NAPRT: variants seen among roughly 807,000 people sequenced by gnomAD.
The protein encoded by NAPRT is FHA-HIT-interacting protein.
In NAPRT, 66 loss-of-function variants were observed where a neutral mutation model predicts 60.7. The observed-to-expected ratio is 1.09, with a 90% CI of 0.89 to 1.33. NAPRT has a LOEUF of 1.33. Ranked by LOEUF, NAPRT falls within the 40% of genes most tolerant of loss-of-function variation. The probability of loss-of-function intolerance (pLI) is 0.00; values close to 1 mark genes in which losing one functional copy is unlikely to be tolerated. For missense variants in NAPRT, 818 were observed against 731.5 expected, an observed-to-expected ratio of 1.12 and a Z score of -1.36; for synonymous variants, 405 against 335.7, an observed-to-expected ratio of 1.21 and a Z score of -2.26.
In NAPRT at chr8:143,577,254, G is replaced by A. The variant is rs775815318; in HGVS notation, c.568+15C>T. 19 of 1,607,184 alleles carry A rather than the reference G, an allele frequency of 1.2e-5. No individual in the cohort carries two copies. The highest frequency in any genetic ancestry group is 2.2e-5 in the East Asian group (1 of 44,616). ...TCCTTCCCGGCCCTTGCCTTGCCCC[G>A]CACCAGACACTCACCGCCCAGGTAG... On this transcript the variant is annotated intron_variant, in intron 4 of 12. Transcript: ENST00000449291.
At chr8:143,576,332 C>T (rs1199496544) in intron 7 of NAPRT, 100 bp downstream of exon 7, 4 of 1,486,470 alleles carry the variant, frequency 2.7e-6, no homozygotes, top group Non-Finnish European at 2.7e-6. Flanking sequence ...CCTGCAGTAT[C>T]ACCGCTGAAA....
chr8:143,578,284 G>C lies in NAPRT; in HGVS notation c.35C>G (p.Ala12Gly). The stretch of plus-strand genomic sequence containing the variant: ...GAGGTCAGTGAGCAGCGGCCGCGCC[G>C]CCGCGCGCGCCTCGGGGTCCTGCTC... The part of the protein sequence containing the change: ...AAEQDPEARA[A>G]ARPLLTDLYQ... Residue 12 changes from alanine (A) to glycine (G), a missense_variant, in exon 1 of 13, where the codon GCG becomes GGG. Physicochemically the swap from Ala to Gly is moderately conservative, Grantham distance 60. Transcript: ENST00000449291. 1 of 1,408,620 alleles carries C rather than the reference G, an allele frequency of 7.1e-7. No individual in the cohort carries two copies. The highest frequency in any genetic ancestry group is 9.2e-7 in the Non-Finnish European group (1 of 1,088,628). 87.3% of individuals were successfully genotyped at this position (1,408,620 alleles called of 1,614,324 possible).
chr8:143,576,407 C>A (rs1197765159), intron 7 of NAPRT, 25 bp downstream of exon 7: 2 of 1,585,810 alleles, frequency 1.3e-6, no homozygotes, highest in African/African-American at 1.3e-5. Flanking sequence ...TCCCACCAGG[C>A]ACACCTCCTC....
At chr8:143,574,566 A>G, downstream of NAPRT, 1 of 590,852 alleles carries the variant, frequency 1.7e-6, no homozygotes. Context: ...CTAGTGTGGG[A>G]TCTGACTCCC....
chr8:143,574,919 A>C lies in NAPRT; in HGVS notation c.1555-19T>G, dbSNP rs1305432470. On this transcript the variant is annotated intron_variant, in intron 12 of 12. Coordinates refer to ENST00000449291, the MANE Select transcript of NAPRT (RefSeq NM_145201.6). ...GCACCACCTGCAGGGAGCAGAGGAC[A>C]GGAGCGGTGGGCAGGGTGAGGGCGG... 6.4e-7 allele frequency: 1 copy of C among 1,550,578 alleles called. No homozygotes were observed. Among genetic ancestry groups the C allele is most frequent in the Admixed American group, 2.0e-5 (1 of 51,000 alleles).
At position 143,575,190 on chromosome 8, in the gene NAPRT, C is replaced by T. The variant is rs1396594552; in HGVS notation, c.1446+1G>A. 4 of 1,606,340 alleles carry T rather than the reference C, an allele frequency of 2.5e-6. No homozygotes were observed. Among genetic ancestry groups the T allele is most frequent in the Non-Finnish European group, 3.4e-6 (4 of 1,176,944 alleles). ...CAGGATGAGGGCGGTGGGGCAGCCA[C>T]CTGTCCCTGCTGGAGGCAGAGCCGC... On this transcript the variant is annotated splice_donor_variant, in intron 11 of 12. Coordinates refer to ENST00000449291, the MANE Select transcript of NAPRT (RefSeq NM_145201.6). LOFTEE classifies it high-confidence loss of function.
chr8:143,577,225 C>A (rs758344025), intron 4 of NAPRT, 44 bp downstream of exon 4: 5 of 1,604,400 alleles, frequency 3.1e-6, no homozygotes, highest in African/African-American at 1.3e-5. Flanking sequence ...CAAGATGGGG[C>A]TCCTCCTTCC....
At chr8:143,577,975 G>T in intron 1 of NAPRT, 32 bp from the exon 2 acceptor site, 3 of 1,594,832 alleles carry the variant, frequency 1.9e-6, no homozygotes, top group Non-Finnish European at 2.6e-6. Flanking sequence ...TGAGACCAGC[G>T]CGGGGACAGA....
chr8:143,578,313 C>T lies in NAPRT; in HGVS notation c.6G>A (p.Ala2=), dbSNP rs979944565. The change falls in exon 1 of 13, where the codon GCG becomes GCA. Residue 2 remains alanine, a synonymous_variant. Transcript: ENST00000449291. ...CGCGCGCCTCGGGGTCCTGCTCCGCCGCCATCCTGCTCCCGACGTCCGGAC... is the reference window on the plus strand; with the variant it reads ...CGCGCGCCTCGGGGTCCTGCTCCGCTGCCATCCTGCTCCCGACGTCCGGAC... M[A]AEQDPEARAA... is the part of the protein sequence containing the mutation. The T allele has an allele frequency of 4.4e-6, 6 of 1,367,964 alleles. No individual in the cohort carries two copies. The highest frequency in any genetic ancestry group is 3.0e-5 in the East Asian group (1 of 32,816). 84.7% of individuals were successfully genotyped at this position (1,367,964 alleles called of 1,614,324 possible).
At position 143,576,859 on chromosome 8, in the gene NAPRT, G is replaced by A; in HGVS notation, c.685-17C>T. On this transcript the variant is annotated splice_polypyrimidine_tract_variant and intron_variant, in intron 5 of 12. Transcript: ENST00000449291. ...CGCCAACATCTGTGGAACAGAGTCG[G>A]TGAAGAATGGGGGCCAGGAATGCAG... 6.3e-7 allele frequency: 1 copy of A among 1,583,338 alleles called. No individual in the cohort carries two copies. The highest frequency in any genetic ancestry group is 1.1e-5 in the South Asian group (1 of 88,904).
chr8:143,574,903 GC>G lies in NAPRT; in HGVS notation c.1555-4del, dbSNP rs1413230959. On this transcript the variant is annotated splice_region_variant and splice_polypyrimidine_tract_variant and intron_variant, in intron 12 of 12. Transcript: ENST00000449291. ...TGCAGCCTCTCGGACAGCACCACCT[GC>G]AGGGAGCAGAGGACAGGAGCGGTGG... The G allele has an allele frequency of 1.6e-5, 25 of 1,550,512 alleles. No individual in the cohort carries two copies. In the African/African-American group the frequency reaches 2.9e-4, roughly 18 times the overall value.
Position 143,578,215 on chromosome 8 carries a change from GC to G in NAPRT, c.103del (p.Ala35ArgfsTer70), listed in dbSNP as rs1392562761. The G allele has an allele frequency of 4.0e-6, 6 of 1,504,506 alleles. No homozygotes were observed. The highest frequency in any genetic ancestry group is 5.3e-6 in the Non-Finnish European group (6 of 1,131,770). The allele number at this position is 1,504,506 out of a possible 1,614,324, so 93.2% of individuals were successfully genotyped here. On this transcript the variant is annotated frameshift_variant, in exon 1 of 13. Coordinates refer to ENST00000449291, the MANE Select transcript of NAPRT (RefSeq NM_145201.6). LOFTEE classifies it high-confidence loss of function. The stretch of plus-strand genomic sequence containing the variant: ...GAGCTCGAACTCGGCGGCGTCCCGC[GC>G]CCGGCCCGCGCGCCAATAGCCCAAC... The part of the protein sequence containing the change: ...MALGYWRAGR[A>X]RDAAEFELFF...
rs372147502 is a variant in NAPRT at position 143,575,152 on chromosome 8, C to T, written c.1446+39G>A. 4.7e-5 allele frequency: 74 copies of T among 1,582,918 alleles called. 1 individual carries two copies. The South Asian group carries it at 6.5e-4, about 14-fold the overall frequency. Reference sequence around the variant, plus strand: ...GGCTAGCTCCCAGTCAGGGCTCTACCGGGGCTGGGGGTCAGGATGAGGGCG... The same window carrying T: ...GGCTAGCTCCCAGTCAGGGCTCTACTGGGGCTGGGGGTCAGGATGAGGGCG... On this transcript the variant is annotated intron_variant, in intron 11 of 12. Coordinates refer to ENST00000449291, the MANE Select transcript of NAPRT (RefSeq NM_145201.6).
chr8:143,574,834 A>C lies in NAPRT; in HGVS notation c.*4T>G. The C allele has an allele frequency of 2.6e-6, 4 of 1,550,686 alleles. No individual in the cohort carries two copies. Among genetic ancestry groups the C allele is most frequent in the Non-Finnish European group, 3.5e-6 (4 of 1,146,984 alleles). On this transcript the variant is annotated 3_prime_UTR_variant, in exon 13 of 13. Coordinates refer to ENST00000449291, the MANE Select transcript of NAPRT (RefSeq NM_145201.6). ...GTTGTTTCCAGTCAGCCCCGCTCCG[A>C]GTCTCAGGGGGACTGCCCCGCACAC...
Position 143,575,534 on chromosome 8 carries a change from A to G in NAPRT, c.1189-9T>C. 6.3e-7 allele frequency: 1 copy of G among 1,598,670 alleles called. No individual in the cohort carries two copies. Among genetic ancestry groups the G allele is most frequent in the South Asian group, 1.1e-5 (1 of 90,748 alleles). On this transcript the variant is annotated splice_polypyrimidine_tract_variant and intron_variant, in intron 9 of 12. Coordinates refer to ENST00000449291, the MANE Select transcript of NAPRT (RefSeq NM_145201.6). Reference sequence around the variant, plus strand: ...CCCCCCACGGCCACCAGCTGCAGGAAGAGGGCGTTGAGCTGGCTGGTCCTT... The same window carrying G: ...CCCCCCACGGCCACCAGCTGCAGGAGGAGGGCGTTGAGCTGGCTGGTCCTT...
At position 143,574,825 on chromosome 8, in the gene NAPRT, C is replaced by A; in HGVS notation, c.*13G>T. ...GTGATTCGTGTTGTTTCCAGTCAGC[C>A]CCGCTCCGAGTCTCAGGGGGACTGC... On this transcript the variant is annotated 3_prime_UTR_variant, in exon 13 of 13. Coordinates refer to ENST00000449291, the MANE Select transcript of NAPRT (RefSeq NM_145201.6). The A allele has an allele frequency of 6.4e-7, 1 of 1,550,722 alleles. No homozygotes were observed.
intron 3 of NAPRT, 44 bp from the exon 4 acceptor site, chr8:143,577,443 T>C: frequency 1.3e-6 from 2 of 1,573,704 alleles, no homozygotes; most frequent in East Asian, 2.3e-5. Context: ...TGAGGATCAC[T>C]AGGCCACCCA....
Position 143,578,266 on chromosome 8 carries a change from G to C in NAPRT, c.53C>G (p.Thr18Ser), listed in dbSNP as rs1387718086. The change falls in exon 1 of 13, where the codon ACT (threonine) becomes AGT (serine). Residue 18 changes from threonine (T) to serine (S), a missense_variant. By Grantham distance (58) the Thr-to-Ser change is moderately conservative. Transcript: ENST00000449291. Reference protein sequence around the residue: ...EARAAARPLLTDLYQATMALG... With the variant: ...EARAAARPLLSDLYQATMALG... ...CGCCATGGTGGCCTGGTAGAGGTCAGTGAGCAGCGGCCGCGCCGCCGCGCG... is the reference window on the plus strand; with the variant it reads ...CGCCATGGTGGCCTGGTAGAGGTCACTGAGCAGCGGCCGCGCCGCCGCGCG... 3 of 1,434,528 alleles carry C rather than the reference G, an allele frequency of 2.1e-6. No individual in the cohort carries two copies. Among genetic ancestry groups the C allele is most frequent in the South Asian group, 2.9e-5 (2 of 69,736 alleles). 88.9% of individuals were successfully genotyped at this position (1,434,528 alleles called of 1,614,324 possible).
rs1279964905 is a variant in NAPRT at position 143,578,079 on chromosome 8, G to T, written c.226+14C>A. On this transcript the variant is annotated intron_variant, in intron 1 of 12. Coordinates refer to ENST00000449291, the MANE Select transcript of NAPRT (RefSeq NM_145201.6). ...GCCGGGCGTGGGGGGCTCGTCGCGCGGACGGGGGACTACCGGCGTCCCGCA... is the reference window on the plus strand; with the variant it reads ...GCCGGGCGTGGGGGGCTCGTCGCGCTGACGGGGGACTACCGGCGTCCCGCA... The T allele has an allele frequency of 4.0e-6, 6 of 1,505,896 alleles. No individual in the cohort carries two copies. The African/African-American group carries it at 7.1e-5, about 18-fold the overall frequency. 93.3% of individuals were successfully genotyped at this position (1,505,896 alleles called of 1,614,324 possible). A position where few individuals can be genotyped will look rare whatever the true frequency, so the allele number is the denominator to read the frequency against.
Sources: gnomAD v4.1 joint callset for allele counts on GRCh38, gnomAD v4.1.1 for gene constraint, MANE v1.5 for transcripts, NCBI Gene and HGNC (gene_info 2026-07-23, HGNC 2026-07-21) for gene names.